Variants in PTGFRN observed in about 807,000 individuals in gnomAD.
PTGFRN encodes prostaglandin F2 receptor inhibitor, also known as prostaglandin F2 receptor negative regulator.
A neutral mutation model predicts 83.2 loss-of-function variants in PTGFRN; 35 were observed. That is an observed-to-expected ratio of 0.42 (90% CI 0.32 to 0.56). PTGFRN has a LOEUF of 0.56. PTGFRN is among the 20% of genes least tolerant of loss of function. The pLI, the probability that PTGFRN is intolerant of heterozygous loss-of-function variation, is 0.11. For missense variants in PTGFRN, 1,051 were observed against 1,179.5 expected (o/e 0.89, Z 1.60); for synonymous variants, 519 against 498.6 (o/e 1.04, Z -0.55).
At chr1:116,939,395 C>T (rs1017229986) in intron 1 of PTGFRN, among the ~76,000 whole-genome samples, 1 of 152,282 alleles carries the variant, frequency 6.6e-6, no homozygotes, top group African/African-American at 2.4e-5. Context: ...ACAGGCTTGA[C>T]ACCACGTGGC....
chr1:116,957,557 A>G (rs572706715), intron 4 of PTGFRN, among the ~76,000 whole-genome samples: 2 of 152,280 alleles, frequency 1.3e-5, no homozygotes, highest in South Asian at 2.1e-4. Context: ...ATATGTATAC[A>G]TTGTTGAATG....
chr1:116,939,940 C>G (rs1650019158), intron 1 of PTGFRN, among the ~76,000 whole-genome samples: 1 of 152,152 alleles, frequency 6.6e-6, no homozygotes, highest in Admixed American at 6.5e-5. Context: ...CACCTTTGCT[C>G]CAGTTCCCAA....
At chr1:116,930,450 C>G (rs1435981505) in intron 1 of PTGFRN, among the ~76,000 whole-genome samples, 1 of 152,210 alleles carries the variant, frequency 6.6e-6, no homozygotes, top group African/African-American at 2.4e-5. Context: ...CTTTTTACCC[C>G]CCACTCCCTC....
At chr1:116,919,318 A>G (rs1338325913) in intron 1 of PTGFRN, among the ~76,000 whole-genome samples, 1 of 152,200 alleles carries the variant, frequency 6.6e-6, no homozygotes, top group African/African-American at 2.4e-5. Flanking sequence ...AGAGAAACCA[A>G]TATGAGGGTT....
At chr1:116,937,181 CAG>C (rs1477422623) in intron 1 of PTGFRN, among the ~76,000 whole-genome samples, 1 of 151,934 alleles carries the variant, frequency 6.6e-6, no homozygotes, top group African/African-American at 2.4e-5. Context: ...ACCTTGGGAG[CAG>C]AGCATGGCTG....
chr1:116,919,387 A>C (rs539138805), intron 1 of PTGFRN, among the ~76,000 whole-genome samples: 2 of 152,148 alleles, frequency 1.3e-5, no homozygotes, highest in South Asian at 4.2e-4. Flanking sequence ...TGTGCCAGGC[A>C]CTACGCTTTT....
rs551738285 is a variant in PTGFRN at position 116,940,674 on chromosome 1, C to T, written c.50-1041C>T. Among the ~76,000 whole-genome samples, 4 of 152,308 alleles carry T rather than the reference C, an allele frequency of 2.6e-5. No homozygotes were observed. In the South Asian group the frequency reaches 8.3e-4, roughly 32 times the overall value. On this transcript the variant is annotated intron_variant, in intron 1 of 8. Transcript: ENST00000393203. Reference sequence around the variant, plus strand: ...ACCTAGACATTTTATTTCATTAACTCAGTGAAGCTGCCTTGTCCCAATTCA... The same window carrying T: ...ACCTAGACATTTTATTTCATTAACTTAGTGAAGCTGCCTTGTCCCAATTCA...
intron 6 of PTGFRN, among the ~76,000 whole-genome samples, chr1:116,967,927 T>C (rs1224708123): frequency 4.6e-5 from 7 of 152,224 alleles, no homozygotes; most frequent in Non-Finnish European, 8.8e-5. Flanking sequence ...TGTTTTCATT[T>C]CTGCTTTCAT....
chr1:116,967,152 CGTT>C lies in PTGFRN; in HGVS notation c.1885_1887del (p.Val629del). The C allele has an allele frequency of 6.2e-7, 1 of 1,614,162 alleles. No individual in the cohort carries two copies. Among genetic ancestry groups the C allele is most frequent in the Non-Finnish European group, 8.5e-7 (1 of 1,180,038 alleles). On this transcript the variant is annotated inframe_deletion, in exon 6 of 9. Coordinates refer to ENST00000393203, the MANE Select transcript of PTGFRN (RefSeq NM_020440.4). ...GGACAGATGCATCACGGGTGGATGG[CGTT>C]GTTTTAGAAAAAGTGCAGGAGGATG...
chr1:116,939,191 C>T (rs1350648424), intron 1 of PTGFRN, among the ~76,000 whole-genome samples: 1 of 152,266 alleles, frequency 6.6e-6, no homozygotes, highest in Non-Finnish European at 1.5e-5. Flanking sequence ...CTCACAGCTC[C>T]ACTAGGCCAT....
At chr1:116,933,443 T>C (rs1275570570) in intron 1 of PTGFRN, among the ~76,000 whole-genome samples, 1 of 152,202 alleles carries the variant, frequency 6.6e-6, no homozygotes, top group East Asian at 1.9e-4. Flanking sequence ...GTTTTAATTA[T>C]GTATATATTT....
chr1:116,935,976 T>G (rs1182211381), intron 1 of PTGFRN, among the ~76,000 whole-genome samples: 1 of 152,226 alleles, frequency 6.6e-6, no homozygotes, highest in Non-Finnish European at 1.5e-5. Flanking sequence ...GATTGTTACT[T>G]AGTAGCGGCA....
At chr1:116,910,465 G>T (rs1005207949) in intron 1 of PTGFRN, among the ~76,000 whole-genome samples, 1 of 151,200 alleles carries the variant, frequency 6.6e-6, no homozygotes, top group Non-Finnish European at 1.5e-5. Context: ...CCCCGCGCGC[G>T]GGGTGCAAGT....
At chr1:116,917,613 C>G (rs1649436088) in intron 1 of PTGFRN, among the ~76,000 whole-genome samples, 1 of 152,112 alleles carries the variant, frequency 6.6e-6, no homozygotes, top group Non-Finnish European at 1.5e-5. Flanking sequence ...TAGAGGTTTT[C>G]TATATGTTCC....
At chr1:116,946,625 T>TAAATA (rs1264810294) in intron 3 of PTGFRN, among the ~76,000 whole-genome samples, 1 of 152,208 alleles carries the variant, frequency 6.6e-6, no homozygotes, top group Non-Finnish European at 1.5e-5. Flanking sequence ...CTGAACTTAT[T>TAAATA]AGGCAGGTAA....
intron 1 of PTGFRN, among the ~76,000 whole-genome samples, chr1:116,926,419 G>T (rs1168991540): frequency 6.6e-6 from 1 of 152,156 alleles, no homozygotes; most frequent in Non-Finnish European, 1.5e-5. Flanking sequence ...TATAGAATGC[G>T]CTAAAATAAA....
At chr1:116,974,391 T>C (rs1468165516) in intron 7 of PTGFRN, 68 bp downstream of exon 7, 1 of 1,217,684 alleles carries the variant, frequency 8.2e-7, no homozygotes, top group Non-Finnish European at 1.2e-6. Context: ...TCATCCGCAC[T>C]GTGTTACACA....
intron 5 of PTGFRN, among the ~76,000 whole-genome samples, chr1:116,966,156 G>A (rs1650824067): frequency 6.6e-6 from 1 of 152,224 alleles, no homozygotes; most frequent in African/African-American, 2.4e-5. Flanking sequence ...GCCTGACGTT[G>A]TGCTACTATA....
intron 7 of PTGFRN, among the ~76,000 whole-genome samples, chr1:116,978,354 C>T (rs542230836): frequency 6.6e-6 from 1 of 152,286 alleles, no homozygotes; most frequent in South Asian, 2.1e-4. Flanking sequence ...AAGAGGGAAT[C>T]CTCCCTAACT....
Sources: allele counts gnomAD v4.1 joint callset (sites outside exome capture counted in the v4.1 genomes callset), GRCh38; gene constraint gnomAD v4.1.1; transcripts MANE v1.5; gene names NCBI Gene and HGNC (gene_info 2026-07-23, HGNC 2026-07-21).